ZNF517: variants seen among roughly 807,000 people sequenced by gnomAD.
The protein encoded by ZNF517 is zinc finger protein 517.
In ZNF517, 12 loss-of-function variants were observed where a neutral mutation model predicts 12.1. The observed-to-expected ratio is 0.99, with a 90% CI of 0.63 to 1.61. The LOEUF is 1.61. ZNF517 is among the 40% of genes most tolerant of loss of function. The pLI, the probability that ZNF517 is intolerant of heterozygous loss-of-function variation, is 0.00. For missense variants in ZNF517, 781 were observed against 693.2 expected, an observed-to-expected ratio of 1.13 and a Z score of -1.42; for synonymous variants, 388 against 310.2, an observed-to-expected ratio of 1.25 and a Z score of -2.63.
At chr8:144,813,319 A>C (rs1458299971), downstream of ZNF517, among the ~76,000 whole-genome samples, 8 of 45,814 alleles carry the variant, frequency 1.7e-4, no homozygotes, top group Admixed American at 2.8e-3. Context: ...CTGTCTCAAA[A>C]AAAAAAAAAA....
intron 3 of ZNF517, 132 bp from the exon 4 acceptor site, chr8:144,803,993 G>T (rs1222489506): frequency 9.2e-7 from 1 of 1,085,468 alleles, no homozygotes; most frequent in Non-Finnish European, 1.3e-6. Context: ...CCACCTAGCT[G>T]CCCCCTTCTG....
chr8:144,807,756 G>T lies in ZNF517; in HGVS notation c.840G>T (p.Gln280His), dbSNP rs756895909. The change falls in exon 5 of 5, where the codon CAG becomes CAT. Residue 280 changes from glutamine (Q) to histidine (H), a missense_variant. Transcript: ENST00000359971. ...GCAGCTCCCGGCTGCTGCAGCACCA[G>T]AAGTTCCACACCGGGGAGAAGCCCT... Reference protein sequence around the residue: ...FSRSSRLLQHQKFHTGEKPFA... With the variant: ...FSRSSRLLQHHKFHTGEKPFA... The T allele has an allele frequency of 6.2e-7, 1 of 1,612,294 alleles. No homozygotes were observed. The highest frequency in any genetic ancestry group is 8.5e-7 in the Non-Finnish European group (1 of 1,179,532).
Position 144,809,450 on chromosome 8 carries a change from G to A in ZNF517, c.*1055G>A, listed in dbSNP as rs993254747. 1 of 152,238 alleles carries A rather than the reference G, an allele frequency of 6.6e-6. No homozygotes were observed. The highest frequency in any genetic ancestry group is 1.5e-5 in the Non-Finnish European group (1 of 68,074). 9.4% of individuals were successfully genotyped at this position (152,238 alleles called of 1,614,324 possible). A position where few individuals can be genotyped will look rare whatever the true frequency, so the allele number is the denominator to read the frequency against. On this transcript the variant is annotated 3_prime_UTR_variant, in exon 5 of 5. Coordinates refer to ENST00000359971, the MANE Select transcript of ZNF517 (RefSeq NM_213605.3). Reference sequence around the variant, plus strand: ...GGGCAGGCACATCCACTTGGTTGGGGACCCAGATGGAACACAAAGGGAGAA... The same window carrying A: ...GGGCAGGCACATCCACTTGGTTGGGAACCCAGATGGAACACAAAGGGAGAA...
intron 1 of ZNF517, chr8:144,800,422 C>G (rs1826900439): frequency 3.2e-6 from 3 of 923,960 alleles, no homozygotes; most frequent in South Asian, 1.0e-4. Flanking sequence ...AAACACAAAG[C>G]AGCAGTAACT....
At chr8:144,801,754 G>C (rs541747040) in intron 1 of ZNF517, among the ~76,000 whole-genome samples, 8 of 152,188 alleles carry the variant, frequency 5.3e-5, no homozygotes, top group Non-Finnish European at 1.0e-4. Flanking sequence ...GAAAGAGGCC[G>C]GGTGTGGTGG....
chr8:144,801,206 C>T (rs1000621377), intron 1 of ZNF517, among the ~76,000 whole-genome samples: 1 of 152,188 alleles, frequency 6.6e-6, no homozygotes, highest in Non-Finnish European at 1.5e-5. Flanking sequence ...TAGACGGCTC[C>T]AGCTCTACAG....
chr8:144,810,104 A>G, downstream of ZNF517: 1 of 633,724 alleles, frequency 1.6e-6, no homozygotes, highest in East Asian at 2.8e-5. Context: ...TTGTCTCTCT[A>G]GAGGACCCTA....
At chr8:144,804,487 G>C (rs961277426) in intron 4 of ZNF517, among the ~76,000 whole-genome samples, 16 of 152,220 alleles carry the variant, frequency 1.1e-4, no homozygotes, top group African/African-American at 2.4e-5. Context: ...TGTGCTCACA[G>C]TGCCATTACC....
chr8:144,804,794 A>T (rs894974910), intron 4 of ZNF517, among the ~76,000 whole-genome samples: 1 of 152,210 alleles, frequency 6.6e-6, no homozygotes, highest in Admixed American at 6.5e-5. Context: ...TCCCTGTTTG[A>T]CAGCCGAGGC....
chr8:144,804,031 A>G, intron 3 of ZNF517, 94 bp from the exon 4 acceptor site: 1 of 1,298,478 alleles, frequency 7.7e-7, no homozygotes, highest in Non-Finnish European at 1.1e-6. Context: ...GACCCACTCC[A>G]AGCACTCTGT....
At position 144,803,606 on chromosome 8, in the gene ZNF517, C is replaced by T. The variant is rs771612426; in HGVS notation, c.34-35C>T. On this transcript the variant is annotated intron_variant, in intron 2 of 4. Coordinates refer to ENST00000359971, the MANE Select transcript of ZNF517 (RefSeq NM_213605.3). ...TCATCTGCTGGGTTCTCACCGAGCC[C>T]TTGACTGCCTGGATAGCAGAGTATG... 6 of 1,612,304 alleles carry T rather than the reference C, an allele frequency of 3.7e-6. No homozygotes were observed. In the South Asian group the frequency reaches 6.6e-5, roughly 18 times the overall value.
Position 144,808,136 on chromosome 8 carries a change from G to A in ZNF517, c.1220G>A (p.Arg407His), listed in dbSNP as rs769339854. ...ECAECGKAFG[R>H]KSNLTLHQKI... ...GCGGAGTGCGGCAAGGCCTTCGGTCGCAAGTCCAACCTCACTCTGCACCAG... is the reference window on the plus strand; with the variant it reads ...GCGGAGTGCGGCAAGGCCTTCGGTCACAAGTCCAACCTCACTCTGCACCAG... Residue 407 changes from arginine to histidine, a missense_variant, in exon 5 of 5, where the codon CGC becomes CAC. Arg to His is a conservative substitution (Grantham distance 29, BLOSUM62 0). Coordinates refer to ENST00000359971, the MANE Select transcript of ZNF517 (RefSeq NM_213605.3). 1.9e-6 allele frequency: 3 copies of A among 1,611,354 alleles called. No individual in the cohort carries two copies. The highest frequency in any genetic ancestry group is 2.2e-5 in the East Asian group (1 of 44,740).
intron 1 of ZNF517, 149 bp downstream of exon 1, chr8:144,799,086 G>A (rs1312133362): frequency 6.6e-6 from 1 of 152,210 alleles, no homozygotes; most frequent in South Asian, 2.1e-4. Flanking sequence ...CTCGCCTTGG[G>A]TTCCGAACCC....
downstream of ZNF517, chr8:144,810,839 TC>T (rs1827532516): frequency 1.3e-5 from 2 of 153,052 alleles, no homozygotes; most frequent in South Asian, 4.1e-4. Context: ...GTTCCTCTCA[TC>T]CAGACGTCAG....
chr8:144,803,622 G>C lies in ZNF517; in HGVS notation c.34-19G>C, dbSNP rs746696472. On this transcript the variant is annotated intron_variant, in intron 2 of 4. Coordinates refer to ENST00000359971, the MANE Select transcript of ZNF517 (RefSeq NM_213605.3). ...CACCGAGCCCTTGACTGCCTGGATA[G>C]CAGAGTATGTGGTTGCAGGAGGCGG... 4 of 1,613,566 alleles carry C rather than the reference G, an allele frequency of 2.5e-6. No individual in the cohort carries two copies. The highest frequency in any genetic ancestry group is 2.5e-6 in the Non-Finnish European group (3 of 1,179,668).
chr8:144,804,259 G>A, intron 4 of ZNF517, 21 bp downstream of exon 4: 2 of 1,599,090 alleles, frequency 1.3e-6, no homozygotes, highest in Non-Finnish European at 1.7e-6. Context: ...AGCACCCACA[G>A]GGCGTGTCCT....
At chr8:144,804,724 A>T (rs1382331732) in intron 4 of ZNF517, among the ~76,000 whole-genome samples, 3 of 152,146 alleles carry the variant, frequency 2.0e-5, no homozygotes, top group Admixed American at 6.5e-5. Context: ...AAAGAGTGTG[A>T]GTCATTTCCA....
At chr8:144,799,462 G>T (rs1035406153) in intron 1 of ZNF517, among the ~76,000 whole-genome samples, 2 of 152,188 alleles carry the variant, frequency 1.3e-5, no homozygotes, top group African/African-American at 2.4e-5. Context: ...CGCAGTGAGC[G>T]AACAGCCCGC....
intron 4 of ZNF517, among the ~76,000 whole-genome samples, chr8:144,804,676 G>A (rs531674416): frequency 1.9e-4 from 29 of 152,166 alleles, no homozygotes; most frequent in African/African-American, 4.3e-4. Context: ...GCCTGGCTGC[G>A]CTGTTATTTA....
Sources: gnomAD v4.1 joint callset for allele counts (sites outside exome capture counted in the v4.1 genomes callset) on GRCh38, gnomAD v4.1.1 for gene constraint, MANE v1.5 for transcripts, NCBI Gene and HGNC (gene_info 2026-07-23, HGNC 2026-07-21) for gene names.